Variants in PLD5 observed in about 807,000 individuals in gnomAD.
PLD5 encodes the protein phospholipase D family member 5.
PLD5 carries 36 observed loss-of-function variants against 61.1 expected under a neutral mutation model. The observed-to-expected ratio is 0.59, with a 90% CI of 0.45 to 0.78. The LOEUF (loss-of-function observed/expected upper bound fraction) is 0.78, where lower values mean the gene tolerates loss of function less well. Ranked by LOEUF, PLD5 falls within the 30% of genes least tolerant of loss-of-function variation. PLD5 has a pLI of 0.00. For synonymous variants in PLD5, 243 were observed against 242.8 expected (o/e 1.00, Z -0.01); for missense variants, 515 against 644.4 (o/e 0.80, Z 2.17).
chr1:242,397,434 A>G (rs2654889), intron 1 of PLD5, among the ~76,000 whole-genome samples: 67,418 of 150,790 alleles, frequency 0.45, 15,456 homozygotes, highest in African/African-American at 0.55. Flanking sequence ...TATTATCTCC[A>G]CTGCTATTAA....
intron 5 of PLD5, among the ~76,000 whole-genome samples, chr1:242,144,506 G>A (rs1315207734): frequency 6.6e-6 from 1 of 152,100 alleles, no homozygotes; most frequent in Admixed American, 6.6e-5. Flanking sequence ...AACAGGTTAG[G>A]TGCGTGGCTC....
intron 1 of PLD5, among the ~76,000 whole-genome samples, chr1:242,426,850 C>G (rs979278394): frequency 2.0e-5 from 3 of 152,144 alleles, no homozygotes; most frequent in Non-Finnish European, 4.4e-5. Flanking sequence ...TAGTTATATG[C>G]CAGAGTTCCA....
intron 5 of PLD5, among the ~76,000 whole-genome samples, chr1:242,134,435 A>G (rs1205994563): frequency 6.6e-6 from 1 of 151,998 alleles, no homozygotes; most frequent in Non-Finnish European, 1.5e-5. Flanking sequence ...TTTTAAAAGT[A>G]TAAATCTCAG....
At chr1:242,305,792 T>C (rs12131973) in intron 2 of PLD5, among the ~76,000 whole-genome samples, 9,787 of 152,208 alleles carry the variant, frequency 0.064, 362 homozygotes, top group Middle Eastern at 0.11. Context: ...GATCTCTTGA[T>C]CTCATGACCC....
intron 5 of PLD5, among the ~76,000 whole-genome samples, chr1:242,201,429 G>T (rs920240008): frequency 6.6e-6 from 1 of 152,146 alleles, no homozygotes; most frequent in Non-Finnish European, 1.5e-5. Flanking sequence ...TCAGCTAAGT[G>T]AATCTTTGTT....
At chr1:242,417,633 C>T (rs964307981) in intron 1 of PLD5, among the ~76,000 whole-genome samples, 24 of 152,320 alleles carry the variant, frequency 1.6e-4, no homozygotes, top group African/African-American at 5.5e-4. Flanking sequence ...CTAACATTAC[C>T]AGCATGCCCT....
chr1:242,491,513 A>AT (rs1322631015), intron 1 of PLD5, among the ~76,000 whole-genome samples: 1 of 152,254 alleles, frequency 6.6e-6, no homozygotes, highest in Non-Finnish European at 1.5e-5. Context: ...TCAATTCCAT[A>AT]AGACAGTAGA....
At chr1:242,441,794 A>G (rs563084436) in intron 1 of PLD5, among the ~76,000 whole-genome samples, 32 of 152,186 alleles carry the variant, frequency 2.1e-4, no homozygotes, top group South Asian at 1.2e-3. Context: ...GTACTTGGCA[A>G]CTCTTCAAAA....
chr1:242,487,645 A>G (rs948043728), intron 1 of PLD5, among the ~76,000 whole-genome samples: 2 of 152,160 alleles, frequency 1.3e-5, no homozygotes, highest in Non-Finnish European at 2.9e-5. Context: ...AAAATACACA[A>G]CTGATGGACT....
At chr1:242,479,390 A>G (rs1667698051) in intron 1 of PLD5, among the ~76,000 whole-genome samples, 1 of 152,242 alleles carries the variant, frequency 6.6e-6, no homozygotes, top group Admixed American at 6.5e-5. Flanking sequence ...TATACAAGCA[A>G]TGAAAAATTG....
At chr1:242,509,830 C>T (rs1232031323) in intron 1 of PLD5, among the ~76,000 whole-genome samples, 4 of 152,120 alleles carry the variant, frequency 2.6e-5, no homozygotes, top group Non-Finnish European at 5.9e-5. Flanking sequence ...AATTACTCGG[C>T]GGCTTATTGG....
At chr1:242,505,146 G>C (rs1234159843) in intron 1 of PLD5, among the ~76,000 whole-genome samples, 1 of 152,168 alleles carries the variant, frequency 6.6e-6, no homozygotes, top group East Asian at 1.9e-4. Context: ...GACAAAGTGA[G>C]ACACTGTCTC....
At chr1:242,482,620 T>C (rs1667817970) in intron 1 of PLD5, among the ~76,000 whole-genome samples, 2 of 152,228 alleles carry the variant, frequency 1.3e-5, no homozygotes, top group African/African-American at 2.4e-5. Context: ...TGGAACCAAG[T>C]TGGAAAACAC....
At position 242,256,591 on chromosome 1, in the gene PLD5, C is replaced by T. The variant is rs1673031269; in HGVS notation, c.607+8746G>A. 6.6e-6 allele frequency among the ~76,000 whole-genome samples: 1 copy of T among 152,304 alleles called. No individual in the cohort carries two copies. The highest frequency in any genetic ancestry group is 1.9e-4 in the East Asian group (1 of 5,170). ...TCTGGGGGATGCAGTAACAAGGCGC[C>T]ATCTTGGAAGCACAGAGCAGCTCTC... On this transcript the variant is annotated intron_variant, in intron 4 of 9. Coordinates refer to ENST00000536534, the MANE Select transcript of PLD5 (RefSeq NM_001372062.1). The surrounding 1 kb of genome is among the most constrained non-coding windows in gnomAD (Gnocchi z 5.7).
intron 1 of PLD5, among the ~76,000 whole-genome samples, chr1:242,395,523 G>C (rs1663520864): frequency 6.6e-6 from 1 of 152,122 alleles, no homozygotes; most frequent in Non-Finnish European, 1.5e-5. Flanking sequence ...CAAAGATATG[G>C]ACAAACAGAA....
chr1:242,283,683 G>T (rs533007996), intron 3 of PLD5, among the ~76,000 whole-genome samples: 2 of 152,128 alleles, frequency 1.3e-5, no homozygotes, highest in African/African-American at 4.8e-5. Context: ...AGTAATCAGG[G>T]TGTGAACTAT....
intron 5 of PLD5, among the ~76,000 whole-genome samples, chr1:242,143,935 G>T (rs1439008670): frequency 6.6e-6 from 1 of 151,722 alleles, no homozygotes; most frequent in Non-Finnish European, 1.5e-5. Context: ...TCCCCTGCCA[G>T]GTTCAAGCGA....
At chr1:242,420,038 G>A (rs535322649) in intron 1 of PLD5, among the ~76,000 whole-genome samples, 11 of 152,038 alleles carry the variant, frequency 7.2e-5, no homozygotes, top group African/African-American at 9.7e-5. Context: ...CGATAAACTT[G>A]TTACCTCCAG....
chr1:242,380,324 G>A (rs182396195), intron 1 of PLD5, among the ~76,000 whole-genome samples: 13 of 152,236 alleles, frequency 8.5e-5, no homozygotes, highest in East Asian at 3.9e-4. Flanking sequence ...CAACAACACC[G>A]CATAGCTATT....
Sources: allele counts gnomAD v4.1 joint callset (sites outside exome capture counted in the v4.1 genomes callset), GRCh38; gene constraint gnomAD v4.1.1; non-coding constraint Gnocchi (gnomAD v3.1); transcripts MANE v1.5; gene names NCBI Gene and HGNC (gene_info 2026-07-23, HGNC 2026-07-21).